Variants in SPATA17 observed in about 807,000 individuals in gnomAD.
The protein encoded by SPATA17 is spermatogenesis-associated protein 17.
In SPATA17, 53 loss-of-function variants were observed where a neutral mutation model predicts 62.2. That is an observed-to-expected ratio of 0.85 (90% CI 0.68 to 1.07). The LOEUF (loss-of-function observed/expected upper bound fraction) is 1.07, where lower values mean the gene tolerates loss of function less well. Among genes scored for constraint, SPATA17 ranks in the 50% least tolerant of loss-of-function variants. The probability of loss-of-function intolerance (pLI) is 0.00; values close to 1 mark genes in which losing one functional copy is unlikely to be tolerated. For synonymous variants in SPATA17, 146 were observed against 146.8 expected, an observed-to-expected ratio of 0.99 and a Z score of 0.04; for missense variants, 466 against 425.5, an observed-to-expected ratio of 1.10 and a Z score of -0.84.
At chr1:217,754,787 T>A (rs561182817) in intron 6 of SPATA17, among the ~76,000 whole-genome samples, 1 of 152,282 alleles carries the variant, frequency 6.6e-6, no homozygotes, top group South Asian at 2.1e-4. Context: ...TTTCCTTTGA[T>A]CTTTCTCTTT....
intron 4 of SPATA17, among the ~76,000 whole-genome samples, chr1:217,670,243 TAA>T (rs1396251206): frequency 6.6e-6 from 1 of 152,088 alleles, no homozygotes; most frequent in African/African-American, 2.4e-5. Flanking sequence ...ATCTCCAAAA[TAA>T]AAAGTCATAG....
At chr1:217,719,509 A>T (rs1215976855) in intron 5 of SPATA17, among the ~76,000 whole-genome samples, 1 of 152,216 alleles carries the variant, frequency 6.6e-6, no homozygotes, top group Non-Finnish European at 1.5e-5. Context: ...CAATGGTACC[A>T]TCTTCTTTGG....
At chr1:217,839,977 G>T (rs377546899) in intron 9 of SPATA17, among the ~76,000 whole-genome samples, 9 of 150,750 alleles carry the variant, frequency 6.0e-5, no homozygotes, top group African/African-American at 2.2e-4. Context: ...AGTGCAACTC[G>T]GAAAATCGTG....
chr1:217,790,763 T>C (rs1434325500), intron 8 of SPATA17, among the ~76,000 whole-genome samples: 1 of 152,254 alleles, frequency 6.6e-6, no homozygotes, highest in Non-Finnish European at 1.5e-5. Context: ...ATATAATTTC[T>C]AATTAAGTAT....
At chr1:217,817,033 C>CTAA (rs1571824681) in intron 9 of SPATA17, among the ~76,000 whole-genome samples, 3 of 151,854 alleles carry the variant, frequency 2.0e-5, no homozygotes, top group East Asian at 3.9e-4. Context: ...GGGAATGGGG[C>CTAA]TTTAAAAAAT....
chr1:217,716,719 C>A (rs943921178), intron 5 of SPATA17, among the ~76,000 whole-genome samples: 1 of 152,132 alleles, frequency 6.6e-6, no homozygotes, highest in African/African-American at 2.4e-5. Context: ...AGAGCTCAAT[C>A]TGGTATATTA....
intron 5 of SPATA17, among the ~76,000 whole-genome samples, chr1:217,733,489 C>A (rs952220415): frequency 6.6e-6 from 1 of 152,182 alleles, no homozygotes; most frequent in Non-Finnish European, 1.5e-5. Flanking sequence ...CAGAAGTGAG[C>A]CCCCTGAACT....
At chr1:217,783,209 G>A (rs1673773985) in intron 8 of SPATA17, among the ~76,000 whole-genome samples, 1 of 151,110 alleles carries the variant, frequency 6.6e-6, no homozygotes, top group East Asian at 1.9e-4. Context: ...TTAAAAGTGT[G>A]TTTTGATATA....
At chr1:217,760,611 T>A (rs192785041) in intron 6 of SPATA17, among the ~76,000 whole-genome samples, 85 of 152,342 alleles carry the variant, frequency 5.6e-4, no homozygotes, top group Non-Finnish European at 9.4e-4. Context: ...GGCTTCTTCC[T>A]TCTTCAAAGA....
chr1:217,830,378 T>C (rs541046798), intron 9 of SPATA17, among the ~76,000 whole-genome samples: 1 of 152,136 alleles, frequency 6.6e-6, no homozygotes, highest in Non-Finnish European at 1.5e-5. Flanking sequence ...TCATATCACT[T>C]TACATAATGT....
rs139071959 is a variant in SPATA17, at chr1:217,662,668, C to T, written c.241-6365C>T. Reference sequence around the variant, plus strand: ...CATCAAATTCCATTGTATGTTGTTACGATAAAAGCCAACAATTTGATCTTT... The same window carrying T: ...CATCAAATTCCATTGTATGTTGTTATGATAAAAGCCAACAATTTGATCTTT... On this transcript the variant is annotated intron_variant, in intron 3 of 10. Coordinates refer to ENST00000366933, the MANE Select transcript of SPATA17 (RefSeq NM_138796.4). Among the ~76,000 whole-genome samples, 423 of 152,050 alleles carry T rather than the reference C, an allele frequency of 2.8e-3. 1 individual carries two copies. The highest frequency in any genetic ancestry group is 3.9e-3 in the Admixed American group (60 of 15,276).
chr1:217,829,336 T>C (rs1238014687), intron 9 of SPATA17, among the ~76,000 whole-genome samples: 1 of 151,714 alleles, frequency 6.6e-6, no homozygotes. Context: ...AGAAAGAAAA[T>C]ACTGCATTCG....
At position 217,744,428 on chromosome 1, in the gene SPATA17, A is replaced by G. The variant is rs897174534; in HGVS notation, c.519+2330A>G. On this transcript the variant is annotated intron_variant, in intron 6 of 10. Coordinates refer to ENST00000366933, the MANE Select transcript of SPATA17 (RefSeq NM_138796.4). ...CAGTGAGCCGAGATCCCGCCACTGC[A>G]CTCCAGCCTGGGCGACAGAGCGAGA... Among the ~76,000 whole-genome samples, 6 of 38,924 alleles carry G rather than the reference A, an allele frequency of 1.5e-4. 1 individual carries two copies. The highest frequency in any genetic ancestry group is 7.7e-4 in the Admixed American group (3 of 3,914). 25.5% of individuals were successfully genotyped at this position (38,924 alleles called of 152,430 possible).
intron 9 of SPATA17, among the ~76,000 whole-genome samples, chr1:217,828,539 C>CAA (rs61328984): frequency 0.23 from 27,762 of 119,690 alleles, 4,038 homozygotes; most frequent in Non-Finnish European, 0.33. Context: ...AATATCACAC[C>CAA]AAAAAAAAAA....
intron 6 of SPATA17, 120 bp downstream of exon 6, chr1:217,742,218 C>T (rs772399864): frequency 6.1e-6 from 8 of 1,318,228 alleles, no homozygotes; most frequent in Middle Eastern, 1.9e-4. Flanking sequence ...GACACTACTT[C>T]GAGTTCAATT....
intron 9 of SPATA17, 102 bp from the exon 10 acceptor site, chr1:217,862,672 G>A (rs1675920950): frequency 2.4e-6 from 2 of 840,598 alleles, no homozygotes; most frequent in Non-Finnish European, 3.7e-6. Context: ...AAGTGCAGTT[G>A]AAAGACATCT....
intron 6 of SPATA17, among the ~76,000 whole-genome samples, chr1:217,754,146 G>T (rs1672982383): frequency 6.6e-6 from 1 of 152,002 alleles, no homozygotes; most frequent in Non-Finnish European, 1.5e-5. Flanking sequence ...TGGGAGGCTT[G>T]CTTAATTAAG....
chr1:217,723,938 C>A (rs781068677), intron 5 of SPATA17, among the ~76,000 whole-genome samples: 1 of 152,248 alleles, frequency 6.6e-6, no homozygotes, highest in Non-Finnish European at 1.5e-5. Context: ...TCTGCTGCCA[C>A]CCCTGTCCTC....
intron 5 of SPATA17, among the ~76,000 whole-genome samples, chr1:217,706,652 C>T (rs1484337709): frequency 6.6e-6 from 1 of 152,166 alleles, no homozygotes; most frequent in African/African-American, 2.4e-5. Flanking sequence ...AATTAAACCC[C>T]TTTCCTTTAT....
Sources: allele counts gnomAD v4.1 joint callset (sites outside exome capture counted in the v4.1 genomes callset), GRCh38; gene constraint gnomAD v4.1.1; transcripts MANE v1.5; gene names NCBI Gene and HGNC (gene_info 2026-07-23, HGNC 2026-07-21).